Variants in ACOT7 observed in about 807,000 individuals in gnomAD.
ACOT7 encodes the protein cytosolic acyl coenzyme A thioester hydrolase.
In ACOT7, 12 loss-of-function variants were observed where a neutral mutation model predicts 40.2. That is an observed-to-expected ratio of 0.30 (90% CI 0.19 to 0.48). The LOEUF (loss-of-function observed/expected upper bound fraction) is 0.48, where lower values mean the gene tolerates loss of function less well. Among genes scored for constraint, ACOT7 ranks in the 20% least tolerant of loss-of-function variants. ACOT7 has a pLI of 0.99. For missense variants in ACOT7, 395 were observed against 530.8 expected, an observed-to-expected ratio of 0.74 and a Z score of 2.51; for synonymous variants, 228 against 219.5, an observed-to-expected ratio of 1.04 and a Z score of -0.34.
chr1:6,331,488 T>C (rs1172939684), intron 4 of ACOT7, among the ~76,000 whole-genome samples: 2 of 152,202 alleles, frequency 1.3e-5, no homozygotes, highest in Non-Finnish European at 2.9e-5. Context: ...GCCCATACCT[T>C]TGCACTTCTG....
At position 6,365,244 on chromosome 1, in the gene ACOT7, G is replaced by C. The variant is rs533964039; in HGVS notation, c.144-15378C>G. 2.0e-4 allele frequency among the ~76,000 whole-genome samples: 31 copies of C among 152,274 alleles called. 1 individual carries two copies. In the South Asian group the frequency reaches 6.4e-3, roughly 32 times the overall value. ...GCAGAGGGCCTCAGCAGGGTGACAG[G>C]TCTGTTCACAGTCTCGGTCTTGATT... On this transcript the variant is annotated intron_variant, in intron 1 of 8. Coordinates refer to ENST00000361521, the MANE Select transcript of ACOT7 (RefSeq NM_007274.4).
chr1:6,264,712 G>A lies in ACOT7; in HGVS notation c.1015-17C>T. ...GGTCTCGGGCTGTGGACCACACACA[G>A]AGACAGGCAGGTTAGGGTCACTGCA... On this transcript the variant is annotated splice_polypyrimidine_tract_variant and intron_variant, in intron 8 of 8. Coordinates refer to ENST00000361521, the MANE Select transcript of ACOT7 (RefSeq NM_007274.4). 1 of 1,611,274 alleles carries A rather than the reference G, an allele frequency of 6.2e-7. No individual in the cohort carries two copies. Among genetic ancestry groups the A allele is most frequent in the Non-Finnish European group, 8.5e-7 (1 of 1,178,958 alleles).
chr1:6,377,931 G>A (rs1417552816), intron 1 of ACOT7, among the ~76,000 whole-genome samples: 1 of 152,140 alleles, frequency 6.6e-6, no homozygotes, highest in African/African-American at 2.4e-5. Flanking sequence ...TTAGCCAGGT[G>A]TGGTGGCAGG....
chr1:6,281,991 C>T (rs1447074677), intron 7 of ACOT7, among the ~76,000 whole-genome samples: 1 of 152,174 alleles, frequency 6.6e-6, no homozygotes, highest in East Asian at 1.9e-4. Context: ...AAAGCACCAG[C>T]CCCATTTCTC....
chr1:6,353,612 T>G (rs1641657635), intron 1 of ACOT7, among the ~76,000 whole-genome samples: 1 of 152,112 alleles, frequency 6.6e-6, no homozygotes, highest in Admixed American at 6.5e-5. Context: ...CCAGCCTGGG[T>G]GACAGAGTGA....
chr1:6,302,440 GGTGTTGA>G (rs1466068800), intron 6 of ACOT7, among the ~76,000 whole-genome samples: 1 of 152,162 alleles, frequency 6.6e-6, no homozygotes, highest in Non-Finnish European at 1.5e-5. Flanking sequence ...AGTCCCTGCA[GGTGTTGA>G]GGCAGCAGGA....
At chr1:6,391,476 A>G (rs993536472) in intron 1 of ACOT7, among the ~76,000 whole-genome samples, 2 of 152,232 alleles carry the variant, frequency 1.3e-5, no homozygotes, top group Admixed American at 1.3e-4. Context: ...ACTGCACTCC[A>G]GCCCGGGTGA....
intron 5 of ACOT7, among the ~76,000 whole-genome samples, chr1:6,320,632 G>C (rs1417697005): frequency 6.6e-6 from 1 of 152,158 alleles, no homozygotes; most frequent in Non-Finnish European, 1.5e-5. Context: ...ATTTCACTCT[G>C]CTCACACTCT....
chr1:6,323,737 A>AAATATAT (rs1553158667), intron 5 of ACOT7, among the ~76,000 whole-genome samples: 8 of 38,412 alleles, frequency 2.1e-4, no homozygotes, highest in Admixed American at 4.8e-4. Flanking sequence ...AAAAAAAAAA[A>AAATATAT]ATATATATAT....
At chr1:6,372,326 T>C (rs1203881353) in intron 1 of ACOT7, among the ~76,000 whole-genome samples, 1 of 152,216 alleles carries the variant, frequency 6.6e-6, no homozygotes, top group East Asian at 1.9e-4. Flanking sequence ...TGTGGCTGAT[T>C]TCATCTTCTC....
At chr1:6,267,384 C>T (rs1322588644) in intron 8 of ACOT7, among the ~76,000 whole-genome samples, 1 of 152,202 alleles carries the variant, frequency 6.6e-6, no homozygotes, top group Non-Finnish European at 1.5e-5. Context: ...CATGGGTGTC[C>T]TGGGGGGCTG....
intron 1 of ACOT7, among the ~76,000 whole-genome samples, chr1:6,367,379 C>G (rs1642033506): frequency 6.6e-6 from 1 of 152,158 alleles, no homozygotes; most frequent in South Asian, 2.1e-4. Flanking sequence ...TGGGCTTATT[C>G]CACCCACTCA....
rs1639568362 is a variant in ACOT7 at position 6,288,430 on chromosome 1, A to C, written c.829+6434T>G. On this transcript the variant is annotated intron_variant, in intron 7 of 8. Transcript: ENST00000361521. The surrounding 1 kb of genome is among the most constrained non-coding windows in gnomAD (Gnocchi z 4.3). The stretch of plus-strand genomic sequence containing the variant: ...GTGCTTGGCCGGGCTAGTTGGCGCA[A>C]AGGTGTAAGGGGACAGCTATGACAA... Among the ~76,000 whole-genome samples, 1 of 152,186 alleles carries C rather than the reference A, an allele frequency of 6.6e-6. No individual in the cohort carries two copies. Among genetic ancestry groups the C allele is most frequent in the South Asian group, 2.1e-4 (1 of 4,824 alleles).
chr1:6,315,221 G>A (rs1311626577), intron 6 of ACOT7, among the ~76,000 whole-genome samples: 1 of 152,204 alleles, frequency 6.6e-6, no homozygotes, highest in Non-Finnish European at 1.5e-5. Flanking sequence ...GGACTCGGGC[G>A]CAGCTTTGCG....
rs1641713544 is a variant in ACOT7, at chr1:6,355,337, G to C, written c.144-5471C>G. ...TCCACACACGGTTAAACGAAGCACTGCAAGGGTACTCACTGCACAGCCGTG... is the reference window on the plus strand; with the variant it reads ...TCCACACACGGTTAAACGAAGCACTCCAAGGGTACTCACTGCACAGCCGTG... On this transcript the variant is annotated intron_variant, in intron 1 of 8. Coordinates refer to ENST00000361521, the MANE Select transcript of ACOT7 (RefSeq NM_007274.4). This position sits in a 1 kb window ranked among gnomAD's most constrained non-coding sequence, Gnocchi z 5.0. 6.6e-6 allele frequency among the ~76,000 whole-genome samples: 1 copy of C among 152,202 alleles called. No individual in the cohort carries two copies. The highest frequency in any genetic ancestry group is 2.4e-5 in the African/African-American group (1 of 41,456).
chr1:6,272,403 A>T (rs1571257836), intron 8 of ACOT7, among the ~76,000 whole-genome samples: 1 of 152,318 alleles, frequency 6.6e-6, no homozygotes, highest in Middle Eastern at 3.4e-3. Context: ...CAGACCATGG[A>T]GGGTCTGAAC....
In ACOT7 at chr1:6,318,543, T is replaced by G; in HGVS notation, c.661A>C (p.Ile221Leu). The G allele has an allele frequency of 2.5e-6, 4 of 1,614,130 alleles. No homozygotes were observed. Among genetic ancestry groups the G allele is most frequent in the Non-Finnish European group, 3.4e-6 (4 of 1,180,000 alleles). The change falls in exon 6 of 9, where the codon ATC becomes CTC. Residue 221 changes from isoleucine (I) to leucine (L), a missense_variant. This residue lies in a region of ACOT7 where 309 missense variants were observed against 470.3 expected (regional missense o/e 0.66). Coordinates refer to ENST00000361521, the MANE Select transcript of ACOT7 (RefSeq NM_007274.4). ...CAGTCTGAAGGCCCCACCAGGTGGA[T>G]CAAGCTGGACTGGCTGTAGCTGACA... ...NTVSYSQSSL[I>L]HLVGPSDCTL...
chr1:6,355,188 A>T lies in ACOT7; in HGVS notation c.144-5322T>A, dbSNP rs1160152479. On this transcript the variant is annotated intron_variant, in intron 1 of 8. Transcript: ENST00000361521. The surrounding 1 kb of genome is among the most constrained non-coding windows in gnomAD (Gnocchi z 5.0). ...TTGTGAAGGACAGGGAACCATTCAC[A>T]AATAGGGGAGTGTAAGCGAATACCC... is the stretch of plus-strand genomic sequence containing the variant. 6.6e-6 allele frequency among the ~76,000 whole-genome samples: 1 copy of T among 152,046 alleles called. No homozygotes were observed.
At chr1:6,280,514 G>C (rs115996279) in intron 8 of ACOT7, among the ~76,000 whole-genome samples, 2,376 of 152,342 alleles carry the variant, frequency 0.016, 59 homozygotes, top group African/African-American at 0.055. Context: ...GAGTGCGTGT[G>C]GCCTGCACAC....
Sources: gnomAD v4.1 joint callset for allele counts (sites outside exome capture counted in the v4.1 genomes callset) on GRCh38, gnomAD v4.1.1 for gene constraint, gnomAD v4.1.1 regional missense constraint, Gnocchi (gnomAD v3.1) non-coding constraint, MANE v1.5 for transcripts, NCBI Gene and HGNC (gene_info 2026-07-23, HGNC 2026-07-21) for gene names.